Variants in GRIN2C observed in about 807,000 individuals in gnomAD.
GRIN2C encodes the protein glutamate ionotropic receptor NMDA type subunit 2C.
GRIN2C carries 64 observed loss-of-function variants against 77.7 expected under a neutral mutation model. That is an observed-to-expected ratio of 0.82 (90% CI 0.67 to 1.01). The LOEUF (loss-of-function observed/expected upper bound fraction) is 1.01, where lower values mean the gene tolerates loss of function less well. Among genes scored for constraint, GRIN2C ranks in the 50% least tolerant of loss-of-function variants. The pLI is 0.00. For missense variants in GRIN2C, 1,549 were observed against 1,486.0 expected (o/e 1.04, Z -0.70); for synonymous variants, 792 against 643.4 (o/e 1.23, Z -3.49).
Position 74,850,429 on chromosome 17 carries a change from G to A in GRIN2C, c.1326-58C>T, listed in dbSNP as rs12601145. 122 of 1,585,660 alleles carry A rather than the reference G, an allele frequency of 7.7e-5. No individual in the cohort carries two copies. The highest frequency in any genetic ancestry group is 6.6e-4 in the Middle Eastern group (4 of 6,026). ...TCAGAGTATGTCGTGGCCCAGCCCC[G>A]CCCCAGCCACTCCTCCAGCCTGGCA... On this transcript the variant is annotated intron_variant, in intron 5 of 12. Coordinates refer to ENST00000293190, the MANE Select transcript of GRIN2C (RefSeq NM_000835.6). The surrounding 1 kb of genome is among the most constrained non-coding windows in gnomAD (Gnocchi z 5.3).
rs749558742 is a variant in GRIN2C, at chr17:74,847,912, C to T, written c.1711G>A (p.Val571Ile). The change falls in exon 8 of 13, where the codon GTC (valine) becomes ATC (isoleucine). Residue 571 changes from valine to isoleucine, a missense_variant. Val to Ile is a conservative substitution (Grantham distance 29). Coordinates refer to ENST00000293190, the MANE Select transcript of GRIN2C (RefSeq NM_000835.6). This position sits in a 1 kb window ranked among gnomAD's most constrained non-coding sequence, Gnocchi z 5.2. The part of the protein sequence containing the change: ...VMCLTVVAIT[V>I]FMFEYFSPVS... ...GGGCTGAAGTACTCGAACATGAAGA[C>T]GGTGATGGCCACCACAGTGAGGCAC... 16 of 1,613,964 alleles carry T rather than the reference C, an allele frequency of 9.9e-6. No individual in the cohort carries two copies. The highest frequency in any genetic ancestry group is 2.2e-5 in the East Asian group (1 of 44,878).
chr17:74,847,024 G>C lies in GRIN2C; in HGVS notation c.2002-104C>G, dbSNP rs1307385246. 3.2e-6 allele frequency: 4 copies of C among 1,264,210 alleles called. No homozygotes were observed. The highest frequency in any genetic ancestry group is 3.3e-6 in the Non-Finnish European group (3 of 910,138). The allele number at this position is 1,264,210 out of a possible 1,614,324, so 78.3% of individuals were successfully genotyped here. A position where few individuals can be genotyped will look rare whatever the true frequency, so the allele number is the denominator to read the frequency against. ...CCCAGCCCCAGTGTGGACTTGCATA[G>C]TCAGAGCAGAAGGTCTTAAAGGCTG... On this transcript the variant is annotated intron_variant, in intron 9 of 12. Coordinates refer to ENST00000293190, the MANE Select transcript of GRIN2C (RefSeq NM_000835.6). The surrounding 1 kb of genome is among the most constrained non-coding windows in gnomAD (Gnocchi z 5.2).
rs745412042 is a variant in GRIN2C, at chr17:74,847,278, C to G, written c.2001+30G>C. 3 of 1,075,712 alleles carry G rather than the reference C, an allele frequency of 2.8e-6. No individual in the cohort carries two copies. Among genetic ancestry groups the G allele is most frequent in the Admixed American group, 1.7e-5 (1 of 58,086 alleles). 66.6% of individuals were successfully genotyped at this position (1,075,712 alleles called of 1,614,324 possible). A position where few individuals can be genotyped will look rare whatever the true frequency, so the allele number is the denominator to read the frequency against. On this transcript the variant is annotated intron_variant, in intron 9 of 12. Transcript: ENST00000293190. The surrounding 1 kb of genome is among the most constrained non-coding windows in gnomAD (Gnocchi z 5.2). ...GCCTGTCCCCACCCTCAGTGCCCCCCCCCACCCCCAGCAGCTATGGCCCCA... is the reference window on the plus strand; with the variant it reads ...GCCTGTCCCCACCCTCAGTGCCCCCGCCCACCCCCAGCAGCTATGGCCCCA...
intron 1 of GRIN2C, among the ~76,000 whole-genome samples, chr17:74,856,586 C>A (rs1354564379): frequency 3.3e-5 from 5 of 151,980 alleles, no homozygotes; most frequent in African/African-American, 1.2e-4. Flanking sequence ...TCATGCCATC[C>A]TCCTGCCTCG....
In GRIN2C at chr17:74,859,411, C is replaced by T. The variant is rs954555333; in HGVS notation, c.-16+333G>A. Among the ~76,000 whole-genome samples, 4 of 152,018 alleles carry T rather than the reference C, an allele frequency of 2.6e-5. No individual in the cohort carries two copies. The highest frequency in any genetic ancestry group is 4.8e-5 in the African/African-American group (2 of 41,384). On this transcript the variant is annotated intron_variant, in intron 1 of 12. Transcript: ENST00000293190. The surrounding 1 kb of genome is among the most constrained non-coding windows in gnomAD (Gnocchi z 5.9). Reference sequence around the variant, plus strand: ...ACATGCACACTCCCGCACTCATACCCGCTCACATCTGAGATACCGATGGCT... The same window carrying T: ...ACATGCACACTCCCGCACTCATACCTGCTCACATCTGAGATACCGATGGCT...
chr17:74,860,231 C>CG (rs2037921427), upstream of GRIN2C, among the ~76,000 whole-genome samples: 1 of 152,242 alleles, frequency 6.6e-6, no homozygotes. Context: ...AAGACCTGGA[C>CG]GGGCTCTGAA....
chr17:74,856,796 T>C (rs1397363748), intron 1 of GRIN2C, among the ~76,000 whole-genome samples: 1 of 152,126 alleles, frequency 6.6e-6, no homozygotes, highest in South Asian at 2.1e-4. Flanking sequence ...TCTTTTTTTT[T>C]AATCCAAAGC....
At chr17:74,851,424 T>C in intron 4 of GRIN2C, 153 bp downstream of exon 4, 1 of 596,228 alleles carries the variant, frequency 1.7e-6, no homozygotes, top group South Asian at 2.1e-5. Flanking sequence ...ACCTGGAGGC[T>C]TCCCAGTGGA....
chr17:74,852,676 C>T, intron 2 of GRIN2C, 65 bp from the exon 3 acceptor site: 1 of 727,522 alleles, frequency 1.4e-6, no homozygotes, highest in East Asian at 3.4e-5. Flanking sequence ...CCTTCCCCGA[C>T]CTCGGCCCCT....
In GRIN2C at chr17:74,842,161, T is replaced by G; in HGVS notation, c.*274A>C. 1 of 430,596 alleles carries G rather than the reference T, an allele frequency of 2.3e-6. No homozygotes were observed. The highest frequency in any genetic ancestry group is 4.1e-6 in the Non-Finnish European group (1 of 242,348). The allele number at this position is 430,596 out of a possible 1,614,324, so 26.7% of individuals were successfully genotyped here. On this transcript the variant is annotated 3_prime_UTR_variant, in exon 13 of 13. Transcript: ENST00000293190. The stretch of plus-strand genomic sequence containing the variant: ...ACAGCAGCCATGACCAGTAACTGGC[T>G]AGCCCCAGGGAAGGGAGAGCCTCAG...
In GRIN2C at chr17:74,847,287, CAGCAGCT is replaced by C. The variant is rs772964910; in HGVS notation, c.2001+14_2001+20del. On this transcript the variant is annotated intron_variant, in intron 9 of 12. Coordinates refer to ENST00000293190, the MANE Select transcript of GRIN2C (RefSeq NM_000835.6). This position sits in a 1 kb window ranked among gnomAD's most constrained non-coding sequence, Gnocchi z 5.2. ...CACCCTCAGTGCCCCCCCCCACCCC[CAGCAGCT>C]ATGGCCCCACAACCTTCTTGTCACT... The C allele has an allele frequency of 7.4e-7, 1 of 1,360,082 alleles. No homozygotes were observed. The highest frequency in any genetic ancestry group is 1.0e-6 in the Non-Finnish European group (1 of 952,658). 84.3% of individuals were successfully genotyped at this position (1,360,082 alleles called of 1,614,324 possible).
chr17:74,843,197 G>A lies in GRIN2C; in HGVS notation c.2940C>T (p.Arg980=), dbSNP rs1398833125. The change falls in exon 13 of 13, where the codon CGC becomes CGT. Residue 980 remains arginine, a synonymous_variant. Transcript: ENST00000293190. ...ACAGGGGCGGCCCCGGCGTCGGGGGGCGGCCCGGGGGCTGCGGAGCCCTGC... is the reference window on the plus strand; with the variant it reads ...ACAGGGGCGGCCCCGGCGTCGGGGGACGGCCCGGGGGCTGCGGAGCCCTGC... ...LVRRAPQPPG[R]PPTPGPPLSD... 2.3e-6 allele frequency: 1 copy of A among 432,428 alleles called. No individual in the cohort carries two copies. The allele number at this position is 432,428 out of a possible 1,614,324, so 26.8% of individuals were successfully genotyped here.
intron 7 of GRIN2C, among the ~76,000 whole-genome samples, chr17:74,848,896 G>A (rs913815087): frequency 2.0e-5 from 3 of 151,680 alleles, no homozygotes; most frequent in South Asian, 2.1e-4. Flanking sequence ...ATGCACCTGT[G>A]GTCCCAGCTA....
At position 74,850,210 on chromosome 17, in the gene GRIN2C, C is replaced by T. The variant is rs1241390118; in HGVS notation, c.1487G>A (p.Gly496Glu). 61 of 1,613,352 alleles carry T rather than the reference C, an allele frequency of 3.8e-5. No individual in the cohort carries two copies. The highest frequency in any genetic ancestry group is 5.2e-5 in the Non-Finnish European group (61 of 1,179,928). Residue 496 changes from glycine (G) to glutamate (E), a missense_variant, in exon 6 of 13, where the codon GGG becomes GAG. Physicochemically the swap from Gly to Glu is moderately conservative, Grantham distance 98. Transcript: ENST00000293190. This position sits in a 1 kb window ranked among gnomAD's most constrained non-coding sequence, Gnocchi z 5.3. The stretch of plus-strand genomic sequence containing the variant: ...AGGGAGTGGGGTGGGGCCTACCTCC[C>T]CAATCATGCCGTTCCATACGCCGCG... ...RVRGVWNGMI[G>E]EVYYKRADMA... is the part of the protein sequence containing the mutation.
In GRIN2C at chr17:74,849,873, C is replaced by T. The variant is rs1474984059; in HGVS notation, c.1552G>A (p.Glu518Lys). The part of the protein sequence containing the change: ...GSLTINEERS[E>K]IVDFSVPFVE... ...AAGGGTACAGAGAAGTCTACGATCT[C>T]GGAGCGTTCCTCATTGATGGTGAGG... The change falls in exon 7 of 13, where the codon GAG (glutamate) becomes AAG (lysine). Residue 518 changes from glutamate (E) to lysine (K), a missense_variant. By Grantham distance (56) the Glu-to-Lys change is moderately conservative. Transcript: ENST00000293190. The surrounding 1 kb of genome is among the most constrained non-coding windows in gnomAD (Gnocchi z 4.6). 13 of 1,613,590 alleles carry T rather than the reference C, an allele frequency of 8.1e-6. No homozygotes were observed. In the East Asian group the frequency reaches 1.8e-4, roughly 22 times the overall value.
In GRIN2C at chr17:74,851,601, G is replaced by T; in HGVS notation, c.1089C>A (p.Leu363=). Reference sequence around the variant, plus strand: ...CCATCTCCCAGAGGCGGTGCCGGTTGAGGGCGATCACCACCATGGTGGGCT... The same window carrying T: ...CCATCTCCCAGAGGCGGTGCCGGTTTAGGGCGATCACCACCATGGTGGGCT... ...LVQPTMVVIA[L]NRHRLWEMVG... Residue 363 remains leucine (L), a synonymous_variant, in exon 4 of 13, where the codon CTC becomes CTA. Transcript: ENST00000293190. 1 of 1,561,742 alleles carries T rather than the reference G, an allele frequency of 6.4e-7. No homozygotes were observed. The highest frequency in any genetic ancestry group is 2.4e-5 in the East Asian group (1 of 42,226).
upstream of GRIN2C, chr17:74,860,914 C>T (rs887662878): frequency 3.7e-5 from 8 of 218,246 alleles, no homozygotes; most frequent in Non-Finnish European, 7.5e-5. Context: ...GAAACTGGGG[C>T]ACTGGGCTGG....
intron 12 of GRIN2C, chr17:74,844,063 G>A: frequency 1.1e-6 from 1 of 924,988 alleles, no homozygotes; most frequent in Admixed American, 3.0e-5. Flanking sequence ...CTGTAGAGAT[G>A]GGTTTTCGCC....
Position 74,842,498 on chromosome 17 carries a change from C to G in GRIN2C, c.3639G>C (p.Gly1213=), listed in dbSNP as rs201316706. Residue 1213 remains glycine, a synonymous_variant, in exon 13 of 13, where the codon GGG becomes GGC. Coordinates refer to ENST00000293190, the MANE Select transcript of GRIN2C (RefSeq NM_000835.6). ...GLDEISRVAR[G]TQGFPGPCTW... is the part of the protein sequence containing the mutation. Reference sequence around the variant, plus strand: ...TGCAGGGTCCCGGGAAGCCTTGCGTCCCACGGGCTACCCTGCTGATCTCGT... The same window carrying G: ...TGCAGGGTCCCGGGAAGCCTTGCGTGCCACGGGCTACCCTGCTGATCTCGT... The G allele has an allele frequency of 2.8e-5, 22 of 779,120 alleles. No homozygotes were observed. The highest frequency in any genetic ancestry group is 5.0e-5 in the Non-Finnish European group (21 of 417,796). 48.3% of individuals were successfully genotyped at this position (779,120 alleles called of 1,614,324 possible).
Sources: allele counts gnomAD v4.1 joint callset (sites outside exome capture counted in the v4.1 genomes callset), GRCh38; gene constraint gnomAD v4.1.1; non-coding constraint Gnocchi (gnomAD v3.1); transcripts MANE v1.5; gene names NCBI Gene and HGNC (gene_info 2026-07-23, HGNC 2026-07-21).